The following NCKAP5 variants were observed in gnomAD, a reference collection of about 807,000 sequenced individuals.
The protein encoded by NCKAP5 is NCK associated protein 5.
A neutral mutation model predicts 167.0 loss-of-function variants in NCKAP5; 92 were observed. That is an observed-to-expected ratio of 0.55 (90% CI 0.47 to 0.66). The LOEUF is 0.66. Ranked by LOEUF, NCKAP5 falls within the 30% of genes least tolerant of loss-of-function variation. The pLI, the probability that NCKAP5 is intolerant of heterozygous loss-of-function variation, is 0.00. For synonymous variants in NCKAP5, 891 were observed against 877.4 expected (o/e 1.02, Z -0.27); for missense variants, 2,378 against 2,315.0 (o/e 1.03, Z -0.56).
chr2:133,393,889 G>A (rs1488102317), intron 3 of NCKAP5, among the ~76,000 whole-genome samples: 1 of 152,202 alleles, frequency 6.6e-6, no homozygotes, highest in African/African-American at 2.4e-5. Context: ...CAAGAAGCAA[G>A]CCAATATTGG....
chr2:133,341,188 T>C (rs914953372), intron 3 of NCKAP5, among the ~76,000 whole-genome samples: 7 of 151,948 alleles, frequency 4.6e-5, no homozygotes, highest in African/African-American at 9.7e-5. Flanking sequence ...AAAGTATATA[T>C]ACAGCTATAA....
intron 3 of NCKAP5, among the ~76,000 whole-genome samples, chr2:133,485,937 T>C (rs1195241032): frequency 5.3e-5 from 8 of 152,168 alleles, no homozygotes. Context: ...TGATGTATTG[T>C]ATCACATGCC....
chr2:132,884,368 T>C (rs1318787706), intron 8 of NCKAP5, among the ~76,000 whole-genome samples: 3 of 152,210 alleles, frequency 2.0e-5, no homozygotes, highest in Non-Finnish European at 4.4e-5. Flanking sequence ...GCCAGTCCCA[T>C]GGAAGCTTTT....
At chr2:133,044,235 C>A (rs2079311940) in intron 6 of NCKAP5, among the ~76,000 whole-genome samples, 1 of 152,118 alleles carries the variant, frequency 6.6e-6, no homozygotes, top group African/African-American at 2.4e-5. Flanking sequence ...AAGGAAAAGT[C>A]TGATAAACAC....
chr2:133,315,643 A>G (rs913178348), intron 3 of NCKAP5, among the ~76,000 whole-genome samples: 3 of 152,060 alleles, frequency 2.0e-5, no homozygotes, highest in South Asian at 4.1e-4. Flanking sequence ...AAAAAAAAAA[A>G]AGTAAATGAA....
chr2:132,737,681 C>T (rs1691647584), intron 16 of NCKAP5, among the ~76,000 whole-genome samples: 1 of 152,160 alleles, frequency 6.6e-6, no homozygotes, highest in Admixed American at 6.5e-5. Context: ...AATTAGATCC[C>T]ACTATCTTCA....
At chr2:132,840,731 C>A (rs1162201644) in intron 11 of NCKAP5, among the ~76,000 whole-genome samples, 3 of 152,116 alleles carry the variant, frequency 2.0e-5, no homozygotes, top group Non-Finnish European at 4.4e-5. Flanking sequence ...TTCTTGACTG[C>A]CAATGGCACC....
rs540985223 is a variant in NCKAP5 at position 133,520,559 on chromosome 2, A to G, written c.-61-2972T>C. Reference sequence around the variant, plus strand: ...ACAGATACAGGTAGGTAAGACTTAAATATTAGATATATTGATCATCCCTTC... The same window carrying G: ...ACAGATACAGGTAGGTAAGACTTAAGTATTAGATATATTGATCATCCCTTC... On this transcript the variant is annotated intron_variant, in intron 2 of 19. Coordinates refer to ENST00000409261, the MANE Select transcript of NCKAP5 (RefSeq NM_207363.3). Among the ~76,000 whole-genome samples, 350 of 152,336 alleles carry G rather than the reference A, an allele frequency of 2.3e-3. 1 individual carries two copies. The highest frequency in any genetic ancestry group is 3.9e-3 in the Non-Finnish European group (267 of 68,024).
At chr2:133,531,111 T>A (rs1347155317) in intron 2 of NCKAP5, among the ~76,000 whole-genome samples, 1 of 150,132 alleles carries the variant, frequency 6.7e-6, no homozygotes, top group African/African-American at 2.5e-5. Context: ...CATCCTTCAG[T>A]AAAGGATGTG....
At chr2:133,120,464 A>T (rs1432999829) in intron 6 of NCKAP5, among the ~76,000 whole-genome samples, 4 of 152,200 alleles carry the variant, frequency 2.6e-5, no homozygotes, top group African/African-American at 9.6e-5. Flanking sequence ...CATAAAGGTA[A>T]TCAGAACAAC....
chr2:133,246,837 G>C (rs2088023651), intron 4 of NCKAP5, among the ~76,000 whole-genome samples: 1 of 152,172 alleles, frequency 6.6e-6, no homozygotes, highest in Non-Finnish European at 1.5e-5. Context: ...AAATGAATGA[G>C]CAAACAGGTA....
chr2:133,521,613 A>G (rs193165213), intron 2 of NCKAP5, among the ~76,000 whole-genome samples: 1 of 152,292 alleles, frequency 6.6e-6, no homozygotes, highest in African/African-American at 2.4e-5. Flanking sequence ...GCAGATGGAC[A>G]TCTTCTCACT....
intron 16 of NCKAP5, among the ~76,000 whole-genome samples, chr2:132,764,460 C>T (rs1280154686): frequency 6.6e-6 from 1 of 152,186 alleles, no homozygotes; most frequent in Non-Finnish European, 1.5e-5. Context: ...TGGGTGAACT[C>T]AGTGCAGCCA....
the NCKAP5 span, among the ~76,000 whole-genome samples, chr2:133,603,351 A>AGG: frequency 7.0e-6 from 1 of 143,690 alleles, no homozygotes; most frequent in Non-Finnish European, 1.5e-5. Flanking sequence ...TCAGCCTCCC[A>AGG]AGTAGCTGGG....
intron 11 of NCKAP5, among the ~76,000 whole-genome samples, chr2:132,826,966 G>C (rs1687167387): frequency 6.6e-6 from 1 of 152,136 alleles, no homozygotes; most frequent in South Asian, 2.1e-4. Context: ...GAAAGTATTG[G>C]TACTTAGAGG....
At chr2:133,308,982 T>C (rs1681032449) in intron 3 of NCKAP5, among the ~76,000 whole-genome samples, 1 of 151,880 alleles carries the variant, frequency 6.6e-6, no homozygotes, top group South Asian at 2.1e-4. Context: ...AGTGCTGGGA[T>C]TACAGGCGTG....
intron 8 of NCKAP5, among the ~76,000 whole-genome samples, chr2:132,938,671 A>G (rs758774805): frequency 5.9e-5 from 9 of 152,164 alleles, no homozygotes; most frequent in Admixed American, 1.3e-4. Context: ...CCTGCTTCCT[A>G]TGGATCCCCC....
intron 7 of NCKAP5, among the ~76,000 whole-genome samples, chr2:132,988,206 C>T (rs1010836075): frequency 3.3e-5 from 5 of 151,994 alleles, no homozygotes; most frequent in Non-Finnish European, 4.4e-5. Context: ...ATTCTACATA[C>T]GTAATCCCAG....
At chr2:133,391,225 C>G (rs567664829) in intron 3 of NCKAP5, 1 of 152,684 alleles carries the variant, frequency 6.5e-6, no homozygotes, top group African/African-American at 2.4e-5. Flanking sequence ...AATGAAAGAA[C>G]AGTCCTCCTG....
Sources: allele counts gnomAD v4.1 joint callset (sites outside exome capture counted in the v4.1 genomes callset), GRCh38; gene constraint gnomAD v4.1.1; transcripts MANE v1.5; gene names NCBI Gene and HGNC (gene_info 2026-07-23, HGNC 2026-07-21).